The following CSMD1 variants were observed in gnomAD, a reference collection of about 807,000 sequenced individuals.
CSMD1 encodes CUB and sushi domain-containing protein 1.
CSMD1 carries 213 observed loss-of-function variants against 417.5 expected under a neutral mutation model. The ratio of observed to expected loss-of-function variants is 0.51; its 90% confidence interval spans 0.46 to 0.57. CSMD1 has a LOEUF of 0.57. Among genes scored for constraint, CSMD1 ranks in the 20% least tolerant of loss-of-function variants. CSMD1 has a pLI of 0.00. For missense variants in CSMD1, 6,923 were observed against 4,529.7 expected, an observed-to-expected ratio of 1.53 and a Z score of -15.17; for synonymous variants, 2,862 against 1,736.8, an observed-to-expected ratio of 1.65 and a Z score of -16.11.
intron 3 of CSMD1, among the ~76,000 whole-genome samples, chr8:4,211,138 C>G (rs895259449): frequency 6.6e-6 from 1 of 151,602 alleles, no homozygotes; most frequent in African/African-American, 2.4e-5. Context: ...AATGTGTGTT[C>G]TAATCACTAA....
intron 3 of CSMD1, among the ~76,000 whole-genome samples, chr8:4,049,168 A>G (rs946767750): frequency 3.3e-5 from 5 of 152,154 alleles, no homozygotes; most frequent in African/African-American, 4.8e-5. Context: ...TAATTGTAAC[A>G]TCAAAGAGTC....
chr8:3,814,290 G>A (rs1801251370), intron 5 of CSMD1, among the ~76,000 whole-genome samples: 2 of 152,138 alleles, frequency 1.3e-5, no homozygotes, highest in South Asian at 4.1e-4. Context: ...TGAATCTTGA[G>A]TCATTTGTTC....
chr8:3,437,166 T>C lies in CSMD1; in HGVS notation c.1562-27561A>G, dbSNP rs544870080. On this transcript the variant is annotated intron_variant, in intron 12 of 69. Transcript: ENST00000635120. ...AAAAAATCAAATGCAATTGTGTGAA[T>C]TTATCATAATACTGTTCAAGGGGAA... Among the ~76,000 whole-genome samples, 13 of 152,282 alleles carry C rather than the reference T, an allele frequency of 8.5e-5. No individual in the cohort carries two copies. In the South Asian group the frequency reaches 2.3e-3, roughly 27 times the overall value.
intron 3 of CSMD1, among the ~76,000 whole-genome samples, chr8:4,227,239 A>C (rs2128811578): frequency 1.3e-5 from 2 of 152,024 alleles, no homozygotes; most frequent in East Asian, 3.9e-4. Flanking sequence ...AGAATCATTA[A>C]CCTCATTAGC....
At chr8:4,025,900 G>A (rs985030304) in intron 4 of CSMD1, among the ~76,000 whole-genome samples, 1 of 151,674 alleles carries the variant, frequency 6.6e-6, no homozygotes, top group African/African-American at 2.4e-5. Flanking sequence ...AATACATTTA[G>A]GTGTCATTAT....
intron 17 of CSMD1, among the ~76,000 whole-genome samples, chr8:3,395,268 TAA>T (rs905681885): frequency 5.3e-5 from 8 of 152,270 alleles, no homozygotes; most frequent in Admixed American, 3.3e-4. Flanking sequence ...TTTGGCAAAA[TAA>T]AAGTCTGATT....
chr8:3,653,862 C>G (rs1477223547), intron 7 of CSMD1, among the ~76,000 whole-genome samples: 2 of 152,092 alleles, frequency 1.3e-5, no homozygotes, highest in African/African-American at 2.4e-5. Context: ...TTTACATTCC[C>G]AGAAATGACT....
chr8:4,678,928 C>G (rs1414169484), intron 1 of CSMD1, among the ~76,000 whole-genome samples: 1 of 152,118 alleles, frequency 6.6e-6, no homozygotes. Flanking sequence ...TTGTACTTAA[C>G]TACATAAACC....
chr8:4,044,557 C>G (rs987670378), intron 3 of CSMD1, among the ~76,000 whole-genome samples: 2 of 152,144 alleles, frequency 1.3e-5, no homozygotes, highest in East Asian at 1.9e-4. Context: ...GTGATTCTAC[C>G]ACGGCAGAGC....
chr8:3,823,016 G>A (rs1041473995), intron 5 of CSMD1, among the ~76,000 whole-genome samples: 3 of 152,106 alleles, frequency 2.0e-5, no homozygotes, highest in African/African-American at 7.2e-5. Context: ...TGAGTCAGCT[G>A]AAAACATAAT....
At chr8:4,778,591 G>C (rs547544216) in intron 1 of CSMD1, among the ~76,000 whole-genome samples, 43 of 152,316 alleles carry the variant, frequency 2.8e-4, no homozygotes, top group Non-Finnish European at 4.1e-4. Context: ...TTCCGTGAGA[G>C]GGAGGTCATG....
At chr8:3,794,101 G>C (rs926734944) in intron 5 of CSMD1, among the ~76,000 whole-genome samples, 12 of 152,220 alleles carry the variant, frequency 7.9e-5, no homozygotes, top group African/African-American at 2.9e-4. Flanking sequence ...AAAATGCAGG[G>C]TCGCAGGCAC....
chr8:3,262,556 G>T (rs1167992018), intron 26 of CSMD1, among the ~76,000 whole-genome samples: 1 of 150,682 alleles, frequency 6.6e-6, no homozygotes, highest in East Asian at 1.9e-4. Flanking sequence ...AAAAGAAAAA[G>T]AAAAAATCAA....
chr8:3,940,631 T>C (rs773412422), intron 5 of CSMD1, among the ~76,000 whole-genome samples: 13 of 151,994 alleles, frequency 8.6e-5, no homozygotes, highest in South Asian at 6.2e-4. Context: ...AATCAATATG[T>C]AACCTTAACT....
intron 1 of CSMD1, among the ~76,000 whole-genome samples, chr8:4,750,520 G>A (rs1811246956): frequency 6.6e-6 from 1 of 152,014 alleles, no homozygotes; most frequent in Non-Finnish European, 1.5e-5. Context: ...TTAATGTTAA[G>A]ATTTTCCTAT....
At chr8:3,958,701 G>A (rs961549357) in intron 5 of CSMD1, among the ~76,000 whole-genome samples, 2 of 152,122 alleles carry the variant, frequency 1.3e-5, no homozygotes, top group African/African-American at 4.8e-5. Context: ...GGACATAACT[G>A]AGGGTCAAAC....
intron 3 of CSMD1, among the ~76,000 whole-genome samples, chr8:4,218,116 C>A (rs377668120): frequency 1.3e-5 from 2 of 152,130 alleles, no homozygotes; most frequent in African/African-American, 4.8e-5. Flanking sequence ...TTGGCGATGA[C>A]CTTGAACAGC....
chr8:3,252,888 T>G (rs1319121318), intron 26 of CSMD1, among the ~76,000 whole-genome samples: 1 of 152,208 alleles, frequency 6.6e-6, no homozygotes, highest in Non-Finnish European at 1.5e-5. Context: ...AGTTTGTATT[T>G]CTGTGGGATC....
intron 7 of CSMD1, among the ~76,000 whole-genome samples, chr8:3,677,711 T>C (rs1283520246): frequency 6.6e-6 from 1 of 152,188 alleles, no homozygotes; most frequent in African/African-American, 2.4e-5. Flanking sequence ...CCTGTTTTGT[T>C]CTGGAAGTCT....
Sources: allele counts gnomAD v4.1 joint callset (sites outside exome capture counted in the v4.1 genomes callset), GRCh38; gene constraint gnomAD v4.1.1; transcripts MANE v1.5; gene names NCBI Gene and HGNC (gene_info 2026-07-23, HGNC 2026-07-21).